The following DPP10 variants were observed in gnomAD, a reference collection of about 807,000 sequenced individuals.
DPP10 encodes dipeptidyl peptidase like 10, also known as inactive dipeptidyl peptidase 10.
DPP10 carries 33 observed loss-of-function variants against 120.9 expected under a neutral mutation model. The ratio of observed to expected loss-of-function variants is 0.27; its 90% CI spans 0.21 to 0.37. DPP10 has a LOEUF of 0.37. Ranked by LOEUF, DPP10 falls within the 10% of genes least tolerant of loss-of-function variation. The pLI is 1.00. For missense variants in DPP10, 816 were observed against 942.8 expected (o/e 0.87, Z 1.76); for synonymous variants, 337 against 326.1 (o/e 1.03, Z -0.36).
At chr2:115,640,842 T>A (rs1334338063) in intron 5 of DPP10, among the ~76,000 whole-genome samples, 14 of 152,194 alleles carry the variant, frequency 9.2e-5, no homozygotes, top group Admixed American at 7.2e-4. Context: ...CAGGAGCTGA[T>A]CATTATACAC....
intron 1 of DPP10, among the ~76,000 whole-genome samples, chr2:115,174,282 A>C (rs187384305): frequency 6.6e-5 from 10 of 152,324 alleles, no homozygotes; most frequent in Non-Finnish European, 1.2e-4. Flanking sequence ...ACATGTTTCC[A>C]AATGAGAAAA....
At chr2:115,774,201 A>AAC (rs1336467765) in intron 13 of DPP10, among the ~76,000 whole-genome samples, 12 of 76,778 alleles carry the variant, frequency 1.6e-4, no homozygotes, top group African/African-American at 4.3e-4. Flanking sequence ...TTGTCTTTAA[A>AAC]ACACACATAC....
intron 1 of DPP10, among the ~76,000 whole-genome samples, chr2:115,036,663 T>G (rs1704245218): frequency 6.6e-6 from 1 of 152,228 alleles, no homozygotes; most frequent in South Asian, 2.1e-4. Context: ...TAAAGCTGCA[T>G]GTGAGCACTA....
intron 1 of DPP10, among the ~76,000 whole-genome samples, chr2:115,168,565 T>A (rs1488449755): frequency 6.6e-6 from 1 of 152,240 alleles, no homozygotes; most frequent in Non-Finnish European, 1.5e-5. Flanking sequence ...TCCACAAGTT[T>A]TCTGGCAATA....
At chr2:114,733,456 G>C (rs567175288) in intron 1 of DPP10, among the ~76,000 whole-genome samples, 9 of 152,208 alleles carry the variant, frequency 5.9e-5, no homozygotes, top group African/African-American at 1.9e-4. Context: ...TGAAAAGAAA[G>C]AAATCAATGA....
intron 10 of DPP10, among the ~76,000 whole-genome samples, chr2:115,751,786 T>G (rs1553498758): frequency 7.7e-6 from 1 of 129,184 alleles, no homozygotes; most frequent in African/African-American, 3.1e-5. Context: ...GTTAATTAAC[T>G]GTGTTTTTTT....
intron 1 of DPP10, among the ~76,000 whole-genome samples, chr2:114,664,626 C>CAAAAAA (rs374561367): frequency 1.2e-5 from 1 of 81,546 alleles, no homozygotes; most frequent in Admixed American, 1.3e-4. Flanking sequence ...GACTCCGTCT[C>CAAAAAA]AAAAAAAAAA....
intron 3 of DPP10, among the ~76,000 whole-genome samples, chr2:115,456,789 C>T (rs2073582720): frequency 6.6e-6 from 1 of 151,916 alleles, no homozygotes; most frequent in Non-Finnish European, 1.5e-5. Flanking sequence ...GTAAGGGGAA[C>T]ATCATACACC....
chr2:114,537,355 T>A (rs190679973), intron 1 of DPP10, among the ~76,000 whole-genome samples: 1 of 152,020 alleles, frequency 6.6e-6, no homozygotes, highest in African/African-American at 2.4e-5. Flanking sequence ...CTCGGAAGGA[T>A]AGGAATTCAT....
intron 5 of DPP10, among the ~76,000 whole-genome samples, chr2:115,572,366 A>G (rs931346520): frequency 1.3e-5 from 2 of 152,122 alleles, no homozygotes; most frequent in Non-Finnish European, 2.9e-5. Flanking sequence ...TGTCAGTGAA[A>G]AAGTTATGTT....
intron 5 of DPP10, among the ~76,000 whole-genome samples, chr2:115,573,574 G>T (rs185061707): frequency 2.9e-5 from 4 of 136,200 alleles, no homozygotes; most frequent in East Asian, 2.2e-4. Flanking sequence ...GAGCCACTGC[G>T]CCCGGCCTTT....
intron 3 of DPP10, among the ~76,000 whole-genome samples, chr2:115,439,430 A>T (rs1482143578): frequency 6.6e-6 from 1 of 152,222 alleles, no homozygotes; most frequent in South Asian, 2.1e-4. Context: ...AACCCTTAAC[A>T]CCACTGAACT....
At chr2:115,180,065 C>T (rs1306576918) in intron 1 of DPP10, among the ~76,000 whole-genome samples, 1 of 152,114 alleles carries the variant, frequency 6.6e-6, no homozygotes. Context: ...TTGGTAGCTG[C>T]TAATCTTTTA....
At chr2:114,650,911 CCTT>C (rs1011175297) in intron 1 of DPP10, among the ~76,000 whole-genome samples, 7 of 152,250 alleles carry the variant, frequency 4.6e-5, no homozygotes, top group Admixed American at 1.3e-4. Flanking sequence ...AATTCCCTCA[CCTT>C]CTTTTTTTCC....
chr2:114,587,869 A>G (rs79456667), intron 1 of DPP10, among the ~76,000 whole-genome samples: 1,630 of 152,338 alleles, frequency 0.011, 33 homozygotes, highest in African/African-American at 0.038. Context: ...GAGCAATAAT[A>G]TTTGTGAGGA....
At chr2:115,424,331 G>A (rs993025180) in intron 3 of DPP10, among the ~76,000 whole-genome samples, 2 of 151,894 alleles carry the variant, frequency 1.3e-5, no homozygotes, top group African/African-American at 4.8e-5. Context: ...CTAATGTACA[G>A]AACTTTTTTA....
At chr2:115,360,429 C>T (rs1346022253) in intron 3 of DPP10, among the ~76,000 whole-genome samples, 1 of 152,158 alleles carries the variant, frequency 6.6e-6, no homozygotes, top group Non-Finnish European at 1.5e-5. Flanking sequence ...ATTTCACAGG[C>T]AGTGTGTGGA....
intron 1 of DPP10, among the ~76,000 whole-genome samples, chr2:114,574,592 C>T (rs1689915668): frequency 6.6e-6 from 1 of 152,136 alleles, no homozygotes; most frequent in Non-Finnish European, 1.5e-5. Flanking sequence ...TTTGTCCCCC[C>T]AGCACCTGTC....
At chr2:115,582,990 T>A (rs545779769) in intron 5 of DPP10, among the ~76,000 whole-genome samples, 1 of 152,330 alleles carries the variant, frequency 6.6e-6, no homozygotes, top group Admixed American at 6.5e-5. Flanking sequence ...TCTTGCAACT[T>A]TGTGAGATGA....
Sources: allele counts gnomAD v4.1 joint callset (sites outside exome capture counted in the v4.1 genomes callset), GRCh38; gene constraint gnomAD v4.1.1; transcripts MANE v1.5; gene names NCBI Gene and HGNC (gene_info 2026-07-23, HGNC 2026-07-21).